The following RBMS1 variants were observed in gnomAD, a reference collection of about 807,000 sequenced individuals.
RBMS1 encodes the protein RNA binding motif single stranded interacting protein 1, also known as RNA-binding motif, single-stranded-interacting protein 1.
In RBMS1, 17 loss-of-function variants were observed where a neutral mutation model predicts 62.3. The ratio of observed to expected loss-of-function variants is 0.27; its 90% CI spans 0.19 to 0.41. The LOEUF (loss-of-function observed/expected upper bound fraction) is 0.41, where lower values mean the gene tolerates loss of function less well. Among genes scored for constraint, RBMS1 ranks in the 10% least tolerant of loss-of-function variants. RBMS1 has a pLI of 1.00. For synonymous variants in RBMS1, 172 were observed against 170.0 expected, an observed-to-expected ratio of 1.01 and a Z score of -0.09; for missense variants, 334 against 504.5, an observed-to-expected ratio of 0.66 and a Z score of 3.24.
chr2:160,327,571 G>A (rs1009997169), intron 2 of RBMS1, among the ~76,000 whole-genome samples: 1 of 152,052 alleles, frequency 6.6e-6, no homozygotes, highest in Non-Finnish European at 1.5e-5. Context: ...AGGTAACGTA[G>A]CTTTACATTA....
At position 160,493,470 on chromosome 2, in the gene RBMS1, G is replaced by GGCGGCGGCT. The variant is rs972460362; in HGVS notation, c.-116_-108dup. 2.0e-6 allele frequency: 2 copies of GGCGGCGGCT among 1,016,890 alleles called. No individual in the cohort carries two copies. Among genetic ancestry groups the GGCGGCGGCT allele is most frequent in the Non-Finnish European group, 3.0e-6 (2 of 667,840 alleles). The allele number at this position is 1,016,890 out of a possible 1,614,324, so 63.0% of individuals were successfully genotyped here. ...CGGCGGCGGCGGCAGCGGCGGCGGC[G>GGCGGCGGCT]GCGGCGGCTGCTGCTGCTGCCGCTG... On this transcript the variant is annotated 5_prime_UTR_variant, in exon 1 of 14. Coordinates refer to ENST00000348849, the MANE Select transcript of RBMS1 (RefSeq NM_016836.4).
At chr2:160,293,343 C>T (rs969362853) in intron 6 of RBMS1, among the ~76,000 whole-genome samples, 7 of 152,026 alleles carry the variant, frequency 4.6e-5, no homozygotes, top group African/African-American at 1.7e-4. Context: ...TGGGCAAGAG[C>T]GGTTTTCAAG....
Position 160,390,914 on chromosome 2 carries a change from A to G in RBMS1, c.76-23523T>C, listed in dbSNP as rs1694834920. On this transcript the variant is annotated intron_variant, in intron 1 of 13. Transcript: ENST00000348849. ...ACCAAAAAAAAAAAATAACATTTCC[A>G]TATACATTATGTACAACAGAGCCAC... is the stretch of plus-strand genomic sequence containing the variant. Among the ~76,000 whole-genome samples the G allele has an allele frequency of 3.3e-5, 5 of 151,784 alleles. No homozygotes were observed. The South Asian group carries it at 1.0e-3, about 32-fold the overall frequency.
intron 1 of RBMS1, among the ~76,000 whole-genome samples, chr2:160,448,733 G>A (rs950787583): frequency 1.3e-5 from 2 of 152,180 alleles, no homozygotes; most frequent in African/African-American, 2.4e-5. Flanking sequence ...GGGAAGTGAG[G>A]AGCGTCTCTG....
At chr2:160,455,658 A>G (rs529007659) in intron 1 of RBMS1, among the ~76,000 whole-genome samples, 1 of 151,238 alleles carries the variant, frequency 6.6e-6, no homozygotes, top group Non-Finnish European at 1.5e-5. Context: ...ATCACATACA[A>G]TGTAATATAA....
intron 1 of RBMS1, among the ~76,000 whole-genome samples, chr2:160,426,922 G>A (rs1397784556): frequency 3.4e-4 from 51 of 152,176 alleles, no homozygotes; most frequent in Admixed American, 3.3e-3. Flanking sequence ...GTTTGGTCAA[G>A]GAATGGAAGA....
At chr2:160,344,359 T>TA (rs747110470) in intron 2 of RBMS1, among the ~76,000 whole-genome samples, 6 of 152,306 alleles carry the variant, frequency 3.9e-5, no homozygotes, top group Non-Finnish European at 5.9e-5. Context: ...CTTTCTGAGA[T>TA]ACCTTCCGTG....
At chr2:160,293,616 G>C (rs951295724) in intron 6 of RBMS1, among the ~76,000 whole-genome samples, 2 of 152,124 alleles carry the variant, frequency 1.3e-5, no homozygotes, top group African/African-American at 4.8e-5. Flanking sequence ...AAGCGAGATG[G>C]GAAATCATAC....
intron 1 of RBMS1, among the ~76,000 whole-genome samples, chr2:160,456,188 C>T (rs1322783292): frequency 1.3e-5 from 2 of 152,174 alleles, no homozygotes; most frequent in Non-Finnish European, 2.9e-5. Flanking sequence ...GATAATACCA[C>T]CACCAATAAT....
chr2:160,278,486 C>G, intron 11 of RBMS1, 62 bp downstream of exon 11: 1 of 1,316,778 alleles, frequency 7.6e-7, no homozygotes, highest in East Asian at 2.3e-5. Context: ...AGGGAAGATA[C>G]AGGCTGCATT....
At chr2:160,275,956 C>T (rs1206223255) in intron 12 of RBMS1, among the ~76,000 whole-genome samples, 4 of 152,202 alleles carry the variant, frequency 2.6e-5, no homozygotes, top group Non-Finnish European at 5.9e-5. Context: ...TACAGCATAT[C>T]AAACAAATCT....
At chr2:160,278,208 CT>C (rs1209773265) in intron 11 of RBMS1, 1 of 269,164 alleles carries the variant, frequency 3.7e-6, no homozygotes, top group Admixed American at 5.0e-5. Context: ...TAATTCCCTG[CT>C]TTTACCATCT....
intron 1 of RBMS1, among the ~76,000 whole-genome samples, chr2:160,455,572 G>A (rs1324575959): frequency 6.6e-6 from 1 of 152,092 alleles, no homozygotes; most frequent in Non-Finnish European, 1.5e-5. Flanking sequence ...GAGGAAAATT[G>A]TGAACCTGCC....
chr2:160,476,435 A>G (rs1444892607), intron 1 of RBMS1, among the ~76,000 whole-genome samples: 1 of 151,916 alleles, frequency 6.6e-6, no homozygotes, highest in East Asian at 1.9e-4. Flanking sequence ...TGTGCCTCAT[A>G]TTCCTCTTTA....
At position 160,424,365 on chromosome 2, in the gene RBMS1, TG is replaced by T. The variant is rs58071256; in HGVS notation, c.76-56975del. Among the ~76,000 whole-genome samples the T allele has an allele frequency of 3.3e-3, 460 of 140,920 alleles. 2 individuals carry two copies. Among genetic ancestry groups the T allele is most frequent in the African/African-American group, 8.0e-3 (287 of 36,072 alleles). The allele number at this position is 140,920 out of a possible 152,430, so 92.4% of individuals were successfully genotyped here. A position where few individuals can be genotyped will look rare whatever the true frequency, so the allele number is the denominator to read the frequency against. ...AGAATTTAAGCCAGAGGTGAGAGAT[TG>T]GGGGGGGGGGGAAACAAAAAGAAAG... On this transcript the variant is annotated intron_variant, in intron 1 of 13. Transcript: ENST00000348849.
chr2:160,422,349 T>C (rs1052673987), intron 1 of RBMS1, among the ~76,000 whole-genome samples: 8 of 148,492 alleles, frequency 5.4e-5, no homozygotes, highest in Non-Finnish European at 1.0e-4. Context: ...CTTTCTTTCA[T>C]TGACTGACAT....
chr2:160,455,579 T>C (rs1684185076), intron 1 of RBMS1, among the ~76,000 whole-genome samples: 1 of 151,952 alleles, frequency 6.6e-6, no homozygotes, highest in African/African-American at 2.4e-5. Flanking sequence ...ATTGTGAACC[T>C]GCCTGGAGAG....
chr2:160,332,259 T>C (rs568799843), intron 2 of RBMS1, among the ~76,000 whole-genome samples: 2 of 152,306 alleles, frequency 1.3e-5, no homozygotes, highest in Admixed American at 6.5e-5. Context: ...AATGATTACA[T>C]GTACAGAATT....
At chr2:160,306,860 A>G (rs1689557242) in intron 4 of RBMS1, among the ~76,000 whole-genome samples, 1 of 152,162 alleles carries the variant, frequency 6.6e-6, no homozygotes. Context: ...ATAGTTTAGT[A>G]TCTTTAAAAG....
Sources: allele counts gnomAD v4.1 joint callset (sites outside exome capture counted in the v4.1 genomes callset), GRCh38; gene constraint gnomAD v4.1.1; transcripts MANE v1.5; gene names NCBI Gene and HGNC (gene_info 2026-07-23, HGNC 2026-07-21).